Variants in NRCAM observed in about 807,000 individuals in gnomAD.
NRCAM encodes the protein neuronal cell adhesion molecule.
A neutral mutation model predicts 156.5 loss-of-function variants in NRCAM; 83 were observed. That is an observed-to-expected ratio of 0.53 (90% CI 0.44 to 0.64). NRCAM has a LOEUF of 0.64. Ranked by LOEUF, NRCAM falls within the 30% of genes least tolerant of loss-of-function variation. The pLI is 0.00. For synonymous variants in NRCAM, 538 were observed against 563.9 expected, an observed-to-expected ratio of 0.95 and a Z score of 0.65; for missense variants, 1,417 against 1,597.3, an observed-to-expected ratio of 0.89 and a Z score of 1.92.
chr7:108,293,833 G>T (rs2098388142), intron 3 of NRCAM, among the ~76,000 whole-genome samples: 1 of 152,190 alleles, frequency 6.6e-6, no homozygotes, highest in Admixed American at 6.5e-5. Context: ...CATTATTACT[G>T]TGAGTTAGAT....
intron 19 of NRCAM, among the ~76,000 whole-genome samples, chr7:108,190,058 C>A (rs768011731): frequency 2.0e-5 from 3 of 151,986 alleles, no homozygotes; most frequent in Non-Finnish European, 4.4e-5. Context: ...CATGAATGGG[C>A]ACAAACATGA....
At chr7:108,294,193 G>GTTTTTTTTTTTTTTT (rs56717039) in intron 3 of NRCAM, among the ~76,000 whole-genome samples, 2 of 87,932 alleles carry the variant, frequency 2.3e-5, no homozygotes, top group Non-Finnish European at 4.2e-5. Context: ...TTCTTTACTG[G>GTTTTTTTTTTTTTTT]TTTTTTTTTT....
chr7:108,388,425 ATTTG>A (rs2099748470), intron 2 of NRCAM, among the ~76,000 whole-genome samples: 1 of 152,170 alleles, frequency 6.6e-6, no homozygotes, highest in South Asian at 2.1e-4. Flanking sequence ...TTTCTTGTAA[ATTTG>A]TTTAAGTTCT....
At chr7:108,303,775 G>GTT (rs1391373005) in intron 3 of NRCAM, among the ~76,000 whole-genome samples, 1 of 152,026 alleles carries the variant, frequency 6.6e-6, no homozygotes, top group Non-Finnish European at 1.5e-5. Flanking sequence ...GTCCACCCAT[G>GTT]TTTCATGTTC....
intron 8 of NRCAM, among the ~76,000 whole-genome samples, chr7:108,227,513 C>T (rs2093665526): frequency 6.6e-6 from 1 of 152,188 alleles, no homozygotes; most frequent in Admixed American, 6.5e-5. Context: ...CAATGCATTA[C>T]TGTTACCCAC....
chr7:108,255,173 C>CCCT (rs373427692), intron 3 of NRCAM, among the ~76,000 whole-genome samples: 5,724 of 110,142 alleles, frequency 0.052, 181 homozygotes, highest in Middle Eastern at 0.074. Context: ...CTCCCCCTCC[C>CCCT]CCCCCTGCCC....
chr7:108,320,696 G>C (rs1184823201), intron 2 of NRCAM, among the ~76,000 whole-genome samples: 2 of 152,116 alleles, frequency 1.3e-5, no homozygotes, highest in African/African-American at 4.8e-5. Flanking sequence ...ACTAATTGTT[G>C]TACAAATTTG....
chr7:108,272,574 T>G (rs1439997967), intron 3 of NRCAM, among the ~76,000 whole-genome samples: 1 of 152,076 alleles, frequency 6.6e-6, no homozygotes, highest in African/African-American at 2.4e-5. Context: ...CCACTGGGGG[T>G]GTTATAAAAC....
Position 108,195,976 on chromosome 7 carries a change from A to G in NRCAM, c.1352-104T>C, listed in dbSNP as rs1032595013. On this transcript the variant is annotated intron_variant, in intron 14 of 32. Coordinates refer to ENST00000379028, the MANE Select transcript of NRCAM (RefSeq NM_001037132.4). Reference sequence around the variant, plus strand: ...AGGTCATTAAAGTTTATGGTAAAGCACAAGCAATCTATCTCTCTCCTTATG... The same window carrying G: ...AGGTCATTAAAGTTTATGGTAAAGCGCAAGCAATCTATCTCTCTCCTTATG... 5 of 747,516 alleles carry G rather than the reference A, an allele frequency of 6.7e-6. No individual in the cohort carries two copies. In the Admixed American group the frequency reaches 1.0e-4, roughly 16 times the overall value. 46.3% of individuals were successfully genotyped at this position (747,516 alleles called of 1,614,324 possible). A position where few individuals can be genotyped will look rare whatever the true frequency, so the allele number is the denominator to read the frequency against.
intron 1 of NRCAM, among the ~76,000 whole-genome samples, chr7:108,433,764 C>A (rs1212812255): frequency 6.6e-6 from 1 of 152,202 alleles, no homozygotes; most frequent in Non-Finnish European, 1.5e-5. Flanking sequence ...TGAGCAGATG[C>A]CAGCACCAAG....
At chr7:108,264,878 C>T (rs867986148) in intron 3 of NRCAM, among the ~76,000 whole-genome samples, 5 of 152,122 alleles carry the variant, frequency 3.3e-5, no homozygotes, top group African/African-American at 1.2e-4. Flanking sequence ...ATAAGGAAAA[C>T]ACAATAATCT....
At chr7:108,456,058 G>A (rs1315472769) in intron 1 of NRCAM, among the ~76,000 whole-genome samples, 185 bp downstream of exon 1, 4 of 152,094 alleles carry the variant, frequency 2.6e-5, no homozygotes, top group African/African-American at 4.8e-5. Context: ...GGGGCCTGCA[G>A]GGGAGAAGGG....
chr7:108,242,108 T>A (rs926157508), intron 3 of NRCAM, among the ~76,000 whole-genome samples: 1 of 151,736 alleles, frequency 6.6e-6, no homozygotes, highest in Non-Finnish European at 1.5e-5. Flanking sequence ...ATCCCGTCCC[T>A]ACTAAAAAAT....
At chr7:108,448,152 T>C (rs773186275) in intron 1 of NRCAM, among the ~76,000 whole-genome samples, 4 of 152,222 alleles carry the variant, frequency 2.6e-5, no homozygotes, top group Non-Finnish European at 5.9e-5. Flanking sequence ...TCTATTAAAA[T>C]GAAATTTACC....
At chr7:108,219,739 A>G (rs531271944) in intron 11 of NRCAM, among the ~76,000 whole-genome samples, 2 of 152,296 alleles carry the variant, frequency 1.3e-5, no homozygotes, top group African/African-American at 4.8e-5. Flanking sequence ...CCCACAGCCA[A>G]CATAATACTG....
intron 11 of NRCAM, among the ~76,000 whole-genome samples, chr7:108,219,818 C>G (rs1225835922): frequency 6.6e-6 from 1 of 152,090 alleles, no homozygotes; most frequent in Admixed American, 6.5e-5. Context: ...TCTTACCACT[C>G]CTCTTCAACA....
At position 108,231,523 on chromosome 7, in the gene NRCAM, TA is replaced by T. The variant is rs548161322; in HGVS notation, c.428-371del. On this transcript the variant is annotated intron_variant, in intron 7 of 32. Transcript: ENST00000379028. ...AGAATTACACATCTACACCTCTGAATACCATAGAGTATTATATAAGTACACT... is the reference window on the plus strand; with the variant it reads ...AGAATTACACATCTACACCTCTGAATCCATAGAGTATTATATAAGTACACT... Among the ~76,000 whole-genome samples, 147 of 152,310 alleles carry T rather than the reference TA, an allele frequency of 9.7e-4. 1 individual carries two copies. The highest frequency in any genetic ancestry group is 3.3e-3 in the African/African-American group (137 of 41,582).
At position 108,383,306 on chromosome 7, in the gene NRCAM, A is replaced by T. The variant is rs115913118; in HGVS notation, c.-174+16130T>A. ...TCATTTAAAAATAACAAATTACAAAACAGTAGCTAGAAAGGGAACCTGCTA... is the reference window on the plus strand; with the variant it reads ...TCATTTAAAAATAACAAATTACAAATCAGTAGCTAGAAAGGGAACCTGCTA... On this transcript the variant is annotated intron_variant, in intron 2 of 32. Transcript: ENST00000379028. Among the ~76,000 whole-genome samples the T allele has an allele frequency of 7.6e-3, 1,164 of 152,340 alleles. 15 individuals are homozygous for T. The highest frequency in any genetic ancestry group is 0.027 in the African/African-American group (1,122 of 41,576).
chr7:108,186,976 C>T lies in NRCAM; in HGVS notation c.2036-2362G>A, dbSNP rs192212689. Among the ~76,000 whole-genome samples the T allele has an allele frequency of 7.9e-5, 12 of 152,212 alleles. No individual in the cohort carries two copies. The East Asian group carries it at 1.9e-3, about 24-fold the overall frequency. On this transcript the variant is annotated intron_variant, in intron 20 of 32. Coordinates refer to ENST00000379028, the MANE Select transcript of NRCAM (RefSeq NM_001037132.4). ...TCTGCCTCAAGCTAATTTCATGTGA[C>T]GTTTGACAGATGTCACTGTGTTTTT...
Sources: allele counts gnomAD v4.1 joint callset (sites outside exome capture counted in the v4.1 genomes callset), GRCh38; gene constraint gnomAD v4.1.1; transcripts MANE v1.5; gene names NCBI Gene and HGNC (gene_info 2026-07-23, HGNC 2026-07-21).